ATP9B: variants seen among roughly 807,000 people sequenced by gnomAD.
The protein encoded by ATP9B is probable phospholipid-transporting ATPase IIB.
ATP9B carries 110 observed loss-of-function variants against 146.1 expected under a neutral mutation model. That is an observed-to-expected ratio of 0.75 (90% CI 0.65 to 0.88). The LOEUF is 0.88. Among genes scored for constraint, ATP9B ranks in the 40% least tolerant of loss-of-function variants. ATP9B has a pLI of 0.00. For missense variants in ATP9B, 1,499 were observed against 1,496.4 expected (o/e 1.00, Z -0.03); for synonymous variants, 604 against 569.7 (o/e 1.06, Z -0.86).
chr18:79,279,204 C>G (rs2096349401), intron 13 of ATP9B, among the ~76,000 whole-genome samples: 1 of 152,164 alleles, frequency 6.6e-6, no homozygotes, highest in Non-Finnish European at 1.5e-5. Context: ...GAGAAGCACT[C>G]ATGCGCCCCC....
At chr18:79,234,666 C>CT (rs1228630382) in intron 11 of ATP9B, among the ~76,000 whole-genome samples, 7 of 146,026 alleles carry the variant, frequency 4.8e-5, no homozygotes, top group African/African-American at 1.3e-4. Context: ...TGTGGGTGTG[C>CT]TCCTGTGGGT....
intron 1 of ATP9B, among the ~76,000 whole-genome samples, chr18:79,083,489 C>A (rs556703488): frequency 6.6e-6 from 1 of 152,278 alleles, no homozygotes; most frequent in East Asian, 1.9e-4. Flanking sequence ...GGTGTCTGCC[C>A]AAACGGCCAC....
At chr18:79,374,151 G>T in intron 28 of ATP9B, 50 bp downstream of exon 28, 1 of 1,573,582 alleles carries the variant, frequency 6.4e-7, no homozygotes, top group Non-Finnish European at 8.7e-7. Context: ...TCATGATTTT[G>T]AAGTATTTTC....
intron 11 of ATP9B, among the ~76,000 whole-genome samples, chr18:79,248,812 G>T (rs1287798650): frequency 6.6e-6 from 1 of 152,182 alleles, no homozygotes. Flanking sequence ...AAGTACGCGT[G>T]AGTTTTAAAA....
chr18:79,284,214 A>T (rs191132302), intron 13 of ATP9B, among the ~76,000 whole-genome samples: 19 of 152,352 alleles, frequency 1.2e-4, no homozygotes, highest in African/African-American at 4.3e-4. Flanking sequence ...AGACTTGGAA[A>T]TGTTTTTTAA....
rs2096615431 is a variant in ATP9B at position 79,305,452 on chromosome 18, T to A, written c.1525-1534T>A. 3.9e-5 allele frequency among the ~76,000 whole-genome samples: 6 copies of A among 152,184 alleles called. No individual in the cohort carries two copies. The South Asian group carries it at 1.2e-3, about 32-fold the overall frequency. On this transcript the variant is annotated intron_variant, in intron 14 of 29. Coordinates refer to ENST00000426216, the MANE Select transcript of ATP9B (RefSeq NM_198531.5). ...CATACGTACACAGCCAAACACTTTA[T>A]TATTTTGGATGTAATTCATTTAGAT...
intron 26 of ATP9B, among the ~76,000 whole-genome samples, chr18:79,371,257 A>G (rs1208596180): frequency 6.6e-6 from 1 of 151,916 alleles, no homozygotes; most frequent in Non-Finnish European, 1.5e-5. Flanking sequence ...CTATAGTCCC[A>G]GCTACTTGGG....
intron 1 of ATP9B, among the ~76,000 whole-genome samples, chr18:79,087,073 G>T (rs1388340579): frequency 6.6e-6 from 1 of 152,208 alleles, no homozygotes; most frequent in African/African-American, 2.4e-5. Flanking sequence ...CAAGATCAAG[G>T]TATTGACGTC....
Position 79,286,959 on chromosome 18 carries a change from G to C in ATP9B, c.1411+9763G>C, listed in dbSNP as rs1270915965. ...ATATTGAACCAGCCTTGCATCCCAG[G>C]GGTAAAGCCCACTTGATCATGGTGG... On this transcript the variant is annotated intron_variant, in intron 13 of 29. Coordinates refer to ENST00000426216, the MANE Select transcript of ATP9B (RefSeq NM_198531.5). 2.6e-5 allele frequency among the ~76,000 whole-genome samples: 4 copies of C among 152,270 alleles called. No individual in the cohort carries two copies. In the East Asian group the frequency reaches 5.8e-4, roughly 22 times the overall value.
chr18:79,078,833 C>G (rs2146476727), intron 1 of ATP9B, among the ~76,000 whole-genome samples: 1 of 152,208 alleles, frequency 6.6e-6, no homozygotes, highest in East Asian at 1.9e-4. Context: ...CCCGACAGGC[C>G]CCGGTGTGTG....
intron 11 of ATP9B, among the ~76,000 whole-genome samples, chr18:79,235,226 G>T (rs999739472): frequency 2.0e-5 from 3 of 152,084 alleles, no homozygotes; most frequent in African/African-American, 7.2e-5. Context: ...TTTCAGAAAT[G>T]TTCTTTATTT....
At chr18:79,164,510 TCGGGA>T (rs2094934275) in intron 7 of ATP9B, among the ~76,000 whole-genome samples, 1 of 151,884 alleles carries the variant, frequency 6.6e-6, no homozygotes, top group Non-Finnish European at 1.5e-5. Context: ...GGTCAGGAGA[TCGGGA>T]CCATCCTGGC....
chr18:79,277,032 T>G (rs201714231), intron 12 of ATP9B, 22 bp from the exon 13 acceptor site: 3 of 1,613,940 alleles, frequency 1.9e-6, no homozygotes, highest in Admixed American at 3.3e-5. Context: ...CACTAACCAC[T>G]GCAATGGGTT....
rs895568416 is a variant in ATP9B at position 79,207,071 on chromosome 18, G to T, written c.1030+59G>T. On this transcript the variant is annotated intron_variant, in intron 10 of 29. Coordinates refer to ENST00000426216, the MANE Select transcript of ATP9B (RefSeq NM_198531.5). ...TCCCGGATAGATGATGCTTTGTTTT[G>T]TCCAGGGACTCCAAACAAGGGTTTC... The T allele has an allele frequency of 5.9e-6, 9 of 1,514,082 alleles. No individual in the cohort carries two copies. The Admixed American group carries it at 1.0e-4, about 17-fold the overall frequency. The allele number at this position is 1,514,082 out of a possible 1,614,324, so 93.8% of individuals were successfully genotyped here. A position where few individuals can be genotyped will look rare whatever the true frequency, so the allele number is the denominator to read the frequency against.
intron 1 of ATP9B, among the ~76,000 whole-genome samples, chr18:79,077,462 T>C (rs959543186): frequency 6.6e-6 from 1 of 152,188 alleles, no homozygotes; most frequent in Non-Finnish European, 1.5e-5. Context: ...TGACATTGCA[T>C]GGGTGGTGTT....
intron 5 of ATP9B, among the ~76,000 whole-genome samples, chr18:79,136,978 C>G (rs989346967): frequency 2.0e-5 from 3 of 152,276 alleles, no homozygotes; most frequent in Admixed American, 6.5e-5. Context: ...TGAGGGTAAC[C>G]GCCCCATGAT....
intron 2 of ATP9B, among the ~76,000 whole-genome samples, chr18:79,106,885 T>C (rs757070992): frequency 6.6e-6 from 1 of 152,234 alleles, no homozygotes; most frequent in Non-Finnish European, 1.5e-5. Flanking sequence ...GTGCTCATGT[T>C]ATGCAGACAG....
intron 28 of ATP9B, among the ~76,000 whole-genome samples, chr18:79,374,655 C>G (rs544789704): frequency 1.3e-5 from 2 of 152,256 alleles, no homozygotes; most frequent in African/African-American, 4.8e-5. Flanking sequence ...CACTTGTCCT[C>G]GTCTCAGTGC....
At chr18:79,129,010 A>T (rs1045927563) in intron 5 of ATP9B, among the ~76,000 whole-genome samples, 6 of 152,196 alleles carry the variant, frequency 3.9e-5, no homozygotes, top group Admixed American at 2.6e-4. Flanking sequence ...TTTGCAGCTT[A>T]TTCCAAATAA....
Sources: gnomAD v4.1 joint callset for allele counts (sites outside exome capture counted in the v4.1 genomes callset) on GRCh38, gnomAD v4.1.1 for gene constraint, MANE v1.5 for transcripts, NCBI Gene and HGNC (gene_info 2026-07-23, HGNC 2026-07-21) for gene names.